ZFAND6: variants seen among roughly 807,000 people sequenced by gnomAD.
ZFAND6 encodes the protein AN1-type zinc finger protein 6.
ZFAND6 carries 12 observed loss-of-function variants against 24.5 expected under a neutral mutation model. That is an observed-to-expected ratio of 0.49 (90% confidence interval 0.31 to 0.79). The LOEUF is 0.79. Ranked by LOEUF, ZFAND6 falls within the 30% of genes least tolerant of loss-of-function variation. The probability of loss-of-function intolerance (pLI) is 0.04; values close to 1 mark genes in which losing one functional copy is unlikely to be tolerated. For synonymous variants in ZFAND6, 92 were observed against 81.5 expected, an observed-to-expected ratio of 1.13 and a Z score of -0.69; for missense variants, 207 against 245.9, an observed-to-expected ratio of 0.84 and a Z score of 1.06.
chr15:80,095,406 A>G (rs2038659275), intron 1 of ZFAND6, among the ~76,000 whole-genome samples: 1 of 152,204 alleles, frequency 6.6e-6, no homozygotes. Context: ...TTAATGTGAT[A>G]CCTGCCAGGT....
Position 80,122,691 on chromosome 15 carries a change from C to T in ZFAND6, c.264-9C>T, listed in dbSNP as rs1451891683. Reference sequence around the variant, plus strand: ...TCACCTTTTAAAATGAAATATTTTGCTTTTCTAGCCCTGTATCAAATCAGT... The same window carrying T: ...TCACCTTTTAAAATGAAATATTTTGTTTTTCTAGCCCTGTATCAAATCAGT... On this transcript the variant is annotated splice_polypyrimidine_tract_variant and intron_variant, in intron 4 of 6. Coordinates refer to ENST00000261749, the MANE Select transcript of ZFAND6 (RefSeq NM_019006.4). 6.2e-7 allele frequency: 1 copy of T among 1,605,022 alleles called. No individual in the cohort carries two copies. Among genetic ancestry groups the T allele is most frequent in the Non-Finnish European group, 8.5e-7 (1 of 1,173,658 alleles).
intron 6 of ZFAND6, among the ~76,000 whole-genome samples, chr15:80,135,251 A>G (rs183456274): frequency 2.0e-5 from 3 of 152,374 alleles, no homozygotes; most frequent in African/African-American, 7.2e-5. Context: ...AATACATTAT[A>G]TATTAATAAT....
intron 6 of ZFAND6, among the ~76,000 whole-genome samples, chr15:80,132,182 T>G (rs1035274136): frequency 5.3e-5 from 8 of 152,188 alleles, no homozygotes. Context: ...ACTTAGAGTT[T>G]TTTCTAATAC....
At chr15:80,112,069 G>T (rs918087304) in intron 2 of ZFAND6, among the ~76,000 whole-genome samples, 1 of 152,130 alleles carries the variant, frequency 6.6e-6, no homozygotes, top group African/African-American at 2.4e-5. Flanking sequence ...AGACCAGCCT[G>T]GCCAACATGG....
At chr15:80,078,465 G>A (rs1392404994) in intron 1 of ZFAND6, among the ~76,000 whole-genome samples, 7 of 152,198 alleles carry the variant, frequency 4.6e-5, no homozygotes, top group Non-Finnish European at 1.0e-4. Flanking sequence ...CTGTTGATGG[G>A]CACCTAGGTT....
chr15:80,081,651 G>C (rs936619166), intron 1 of ZFAND6, among the ~76,000 whole-genome samples: 4 of 152,168 alleles, frequency 2.6e-5, no homozygotes, highest in African/African-American at 9.7e-5. Context: ...ACCTATGATT[G>C]GCTGAAACTC....
intron 1 of ZFAND6, chr15:80,060,542 A>C (rs2036274925): frequency 6.6e-6 from 1 of 152,234 alleles, no homozygotes; most frequent in Non-Finnish European, 1.5e-5. Context: ...TTACCTTCAC[A>C]TCTCGGAAGT....
rs149533757 is a variant in ZFAND6, at chr15:80,101,108, C to A, written c.-18+2530C>A. 3.2e-3 allele frequency among the ~76,000 whole-genome samples: 483 copies of A among 152,202 alleles called. 1 individual carries two copies. The highest frequency in any genetic ancestry group is 5.6e-3 in the Admixed American group (86 of 15,290). On this transcript the variant is annotated intron_variant, in intron 2 of 6. Transcript: ENST00000261749. ...TTTAGGATTAAGAATTTGAACATTACAAAGTAGGATATTTTCAATTAAGGT... is the reference window on the plus strand; with the variant it reads ...TTTAGGATTAAGAATTTGAACATTAAAAAGTAGGATATTTTCAATTAAGGT...
chr15:80,125,120 A>G (rs1417314805), intron 5 of ZFAND6, among the ~76,000 whole-genome samples: 1 of 152,210 alleles, frequency 6.6e-6, no homozygotes, highest in African/African-American at 2.4e-5. Flanking sequence ...AGTCAGTCAT[A>G]TGGTCATAAA....
chr15:80,105,636 A>AG, intron 2 of ZFAND6, among the ~76,000 whole-genome samples: 1 of 152,358 alleles, frequency 6.6e-6, no homozygotes, highest in Non-Finnish European at 1.5e-5. Flanking sequence ...TCTTAAATGA[A>AG]GTACTTCAGG....
At chr15:80,095,173 A>G (rs2141917112) in intron 1 of ZFAND6, among the ~76,000 whole-genome samples, 1 of 152,162 alleles carries the variant, frequency 6.6e-6, no homozygotes, top group Non-Finnish European at 1.5e-5. Context: ...ACATTTCTTC[A>G]GCCTTTCTTT....
chr15:80,109,480 C>T (rs1239083546), intron 2 of ZFAND6, among the ~76,000 whole-genome samples: 1 of 152,094 alleles, frequency 6.6e-6, no homozygotes, highest in Non-Finnish European at 1.5e-5. Flanking sequence ...AGAACCTAGT[C>T]ATAAGGATTT....
At chr15:80,118,191 G>C (rs1237556991) in intron 2 of ZFAND6, among the ~76,000 whole-genome samples, 1 of 151,934 alleles carries the variant, frequency 6.6e-6, no homozygotes, top group Admixed American at 6.6e-5. Context: ...GTGCGATCCC[G>C]GCTCACTGCA....
At chr15:80,102,909 G>T (rs906096331) in intron 2 of ZFAND6, among the ~76,000 whole-genome samples, 33 of 152,166 alleles carry the variant, frequency 2.2e-4, no homozygotes, top group African/African-American at 7.7e-4. Context: ...AAGAAAAAAG[G>T]ATTATTTTAA....
intron 4 of ZFAND6, 53 bp downstream of exon 4, chr15:80,121,873 A>G (rs1210152098): frequency 7.1e-5 from 103 of 1,446,140 alleles, no homozygotes; most frequent in South Asian, 4.5e-4. Flanking sequence ...ACTAAAGAGT[A>G]TATTCTGTGT....
chr15:80,076,706 T>TG (rs200404272), intron 1 of ZFAND6, among the ~76,000 whole-genome samples: 5,908 of 152,250 alleles, frequency 0.039, 150 homozygotes, highest in Non-Finnish European at 0.053. Context: ...CTAGCATACT[T>TG]TAAAACTGAG....
At chr15:80,070,885 C>A (rs531165454) in intron 1 of ZFAND6, among the ~76,000 whole-genome samples, 2 of 151,654 alleles carry the variant, frequency 1.3e-5, no homozygotes, top group Non-Finnish European at 2.9e-5. Context: ...ACTGTATATT[C>A]TTTTTGCTGA....
intron 1 of ZFAND6, among the ~76,000 whole-genome samples, chr15:80,081,918 G>T (rs925979294): frequency 6.6e-6 from 1 of 152,178 alleles, no homozygotes; most frequent in African/African-American, 2.4e-5. Flanking sequence ...AAGATAATAA[G>T]AAAATTAGAA....
At chr15:80,070,360 A>T (rs1161669210) in intron 1 of ZFAND6, among the ~76,000 whole-genome samples, 1 of 152,184 alleles carries the variant, frequency 6.6e-6, no homozygotes, top group East Asian at 1.9e-4. Context: ...GCAATCAGGG[A>T]GCTCCAGAGC....
Sources: gnomAD v4.1 joint callset for allele counts (sites outside exome capture counted in the v4.1 genomes callset) on GRCh38, gnomAD v4.1.1 for gene constraint, MANE v1.5 for transcripts, NCBI Gene and HGNC (gene_info 2026-07-23, HGNC 2026-07-21) for gene names.